MUC17: variants seen among roughly 807,000 people sequenced by gnomAD.
MUC17 encodes the protein mucin 17, cell surface associated.
A neutral mutation model predicts 170.3 loss-of-function variants in MUC17; 190 were observed. The observed-to-expected ratio is 1.12, with a 90% CI of 0.99 to 1.26. The LOEUF (loss-of-function observed/expected upper bound fraction) is 1.26, where lower values mean the gene tolerates loss of function less well. Among genes scored for constraint, MUC17 ranks in the 50% most tolerant of loss-of-function variants. MUC17 has a pLI of 0.00. For missense variants in MUC17, 6,415 were observed against 5,530.0 expected, an observed-to-expected ratio of 1.16 and a Z score of -5.08; for synonymous variants, 2,325 against 2,002.5, an observed-to-expected ratio of 1.16 and a Z score of -4.30.
In MUC17 at chr7:101,037,382, G is replaced by C; in HGVS notation, c.5966G>C (p.Ser1989Thr). 6.2e-7 allele frequency: 1 copy of C among 1,613,914 alleles called. No homozygotes were observed. The highest frequency in any genetic ancestry group is 8.5e-7 in the Non-Finnish European group (1 of 1,179,890). Residue 1989 changes from serine (S) to threonine (T), a missense_variant, in exon 3 of 13, where the codon AGT becomes ACT. Ser to Thr is a moderately conservative substitution (Grantham distance 58). Transcript: ENST00000306151. ...AGTGAAGGAAGCACTCCACTAACAA[G>C]TATGCCTCTCAGCACCACGCTGGTG... ...AYSEGSTPLTSMPLSTTLVVS... is the reference protein window; with the variant it reads ...AYSEGSTPLTTMPLSTTLVVS...
chr7:101,033,176 C>T lies in MUC17; in HGVS notation c.1760C>T (p.Ala587Val), dbSNP rs960180031. The T allele has an allele frequency of 6.2e-7, 1 of 1,613,874 alleles. No individual in the cohort carries two copies. Among genetic ancestry groups the T allele is most frequent in the Non-Finnish European group, 8.5e-7 (1 of 1,179,934 alleles). ...ACCAGGCTGGTGGTCAGTTCTGAGGCTAGCACCACTTCAACAACTCCTGCT... is the reference window on the plus strand; with the variant it reads ...ACCAGGCTGGTGGTCAGTTCTGAGGTTAGCACCACTTCAACAACTCCTGCT... ...VSTRLVVSSE[A>V]STTSTTPADS... is the part of the protein sequence containing the mutation. The change falls in exon 3 of 13, where the codon GCT becomes GTT. Residue 587 changes from alanine to valine, a missense_variant. Physicochemically the swap from Ala to Val is moderately conservative, Grantham distance 64 (BLOSUM62 0). Transcript: ENST00000306151.
chr7:101,052,887 G>T (rs1027132564), intron 9 of MUC17, 99 bp from the exon 10 acceptor site: 7 of 1,416,276 alleles, frequency 4.9e-6, no homozygotes, highest in Non-Finnish European at 5.7e-6. Context: ...ATCTCTTCTT[G>T]CCTCCTCTTC....
In MUC17 at chr7:101,040,813, A is replaced by G; in HGVS notation, c.9397A>G (p.Ser3133Gly). The G allele has an allele frequency of 6.2e-7, 1 of 1,613,686 alleles. No homozygotes were observed. The change falls in exon 3 of 13, where the codon AGC (serine) becomes GGC (glycine). Residue 3133 changes from serine to glycine, a missense_variant. Ser to Gly is a moderately conservative substitution (Grantham distance 56, BLOSUM62 0). Coordinates refer to ENST00000306151, the MANE Select transcript of MUC17 (RefSeq NM_001040105.2). ...STLSTTPVDT[S>G]TPVTTSTEAH... The stretch of plus-strand genomic sequence containing the variant: ...CCTTTCAACAACTCCTGTTGACACC[A>G]GCACACCTGTGACCACTTCTACTGA...
intron 3 of MUC17, among the ~76,000 whole-genome samples, chr7:101,044,266 C>T (rs1451175312): frequency 6.6e-6 from 1 of 152,088 alleles, no homozygotes; most frequent in African/African-American, 2.4e-5. Flanking sequence ...TGACAAAGAG[C>T]TAATATCCAG....
chr7:101,029,623 G>A (rs578172033), intron 1 of MUC17, among the ~76,000 whole-genome samples: 2 of 151,812 alleles, frequency 1.3e-5, no homozygotes, highest in Non-Finnish European at 2.9e-5. Context: ...TTTTGAGACA[G>A]AGTCTCGCTC....
Position 101,037,054 on chromosome 7 carries a change from G to T in MUC17, c.5638G>T (p.Ala1880Ser). The change falls in exon 3 of 13, where the codon GCC becomes TCC. Residue 1880 changes from alanine (A) to serine (S), a missense_variant. Physicochemically the swap from Ala to Ser is moderately conservative, Grantham distance 99. Coordinates refer to ENST00000306151, the MANE Select transcript of MUC17 (RefSeq NM_001040105.2). Reference protein sequence around the residue: ...TSIPVSTTTVASSETNTLSTT... With the variant: ...TSIPVSTTTVSSSETNTLSTT... ...TATACCTGTCAGCACCACAACAGTG[G>T]CCAGTTCTGAAACCAACACCCTTTC... 1 of 1,581,962 alleles carries T rather than the reference G, an allele frequency of 6.3e-7. No individual in the cohort carries two copies. The highest frequency in any genetic ancestry group is 8.5e-7 in the Non-Finnish European group (1 of 1,178,308).
Position 101,051,042 on chromosome 7 carries a change from T to A in MUC17, c.12874+407T>A, listed in dbSNP as rs546497392. 2.0e-5 allele frequency among the ~76,000 whole-genome samples: 3 copies of A among 152,142 alleles called. No homozygotes were observed. In the South Asian group the frequency reaches 6.2e-4, roughly 32 times the overall value. ...GGGCCTCGTTACACAGGGGTTCATCTAAGTGTGTGGATCATGGCAGAAGAG... is the reference window on the plus strand; with the variant it reads ...GGGCCTCGTTACACAGGGGTTCATCAAAGTGTGTGGATCATGGCAGAAGAG... On this transcript the variant is annotated intron_variant, in intron 7 of 12. Transcript: ENST00000306151.
At chr7:101,027,134 T>C (rs565823807) in intron 1 of MUC17, among the ~76,000 whole-genome samples, 1 of 152,284 alleles carries the variant, frequency 6.6e-6, no homozygotes, top group South Asian at 2.1e-4. Context: ...CTTGGGACTA[T>C]CTGGGCAACA....
Position 101,039,176 on chromosome 7 carries a change from C to T in MUC17, c.7760C>T (p.Ala2587Val), listed in dbSNP as rs759375957. ...RSMPVSTKPL[A>V]SSEASTLSTT... Reference sequence around the variant, plus strand: ...ATGCCTGTCAGCACCAAGCCGTTGGCCAGTTCTGAGGCTAGCACTCTTTCA... The same window carrying T: ...ATGCCTGTCAGCACCAAGCCGTTGGTCAGTTCTGAGGCTAGCACTCTTTCA... Residue 2587 changes from alanine to valine, a missense_variant, in exon 3 of 13, where the codon GCC becomes GTC. Coordinates refer to ENST00000306151, the MANE Select transcript of MUC17 (RefSeq NM_001040105.2). The T allele has an allele frequency of 3.7e-6, 6 of 1,612,792 alleles. No homozygotes were observed. The African/African-American group carries it at 8.0e-5, about 22-fold the overall frequency.
chr7:101,038,147 C>T lies in MUC17; in HGVS notation c.6731C>T (p.Pro2244Leu). ...TSEASTLSAT[P>L]VDTSTPVTTS... ...GAGGCTAGCACCCTTTCAGCAACTC[C>T]TGTTGACACCAGCACACCTGTGACC... Residue 2244 changes from proline (P) to leucine (L), a missense_variant, in exon 3 of 13, where the codon CCT (proline) becomes CTT (leucine). Transcript: ENST00000306151. 1 of 1,613,814 alleles carries T rather than the reference C, an allele frequency of 6.2e-7. No homozygotes were observed. Among genetic ancestry groups the T allele is most frequent in the South Asian group, 1.1e-5 (1 of 91,056 alleles).
intron 1 of MUC17, among the ~76,000 whole-genome samples, chr7:101,024,437 G>A (rs1451729803): frequency 6.6e-6 from 1 of 151,794 alleles, no homozygotes; most frequent in Admixed American, 6.6e-5. Flanking sequence ...GCTAATAGCT[G>A]GAACAAAACG....
chr7:101,056,146 T>A, intron 11 of MUC17, 48 bp from the exon 12 acceptor site: 7 of 1,612,260 alleles, frequency 4.3e-6, no homozygotes, highest in Non-Finnish European at 5.1e-6. Flanking sequence ...GATGAAAGTT[T>A]GTCCTTCTAA....
At chr7:101,030,220 A>G (rs1296080152) in intron 1 of MUC17, among the ~76,000 whole-genome samples, 1 of 147,774 alleles carries the variant, frequency 6.8e-6, no homozygotes, top group African/African-American at 2.5e-5. Context: ...AATAGCAATT[A>G]CAATGTTGGC....
intron 7 of MUC17, 65 bp from the exon 8 acceptor site, chr7:101,051,548 A>G: frequency 6.5e-7 from 1 of 1,538,538 alleles, no homozygotes; most frequent in Non-Finnish European, 8.9e-7. Flanking sequence ...CACACGTCTC[A>G]GCTCCCTGAG....
At chr7:101,055,392 C>T (rs1003213287) in intron 11 of MUC17, among the ~76,000 whole-genome samples, 4 of 151,970 alleles carry the variant, frequency 2.6e-5, no homozygotes, top group African/African-American at 9.7e-5. Flanking sequence ...TATAGCTGTA[C>T]TCATTGCAGG....
chr7:101,035,540 G>T lies in MUC17; in HGVS notation c.4124G>T (p.Cys1375Phe), dbSNP rs146243352. The T allele has an allele frequency of 6.3e-7, 1 of 1,596,632 alleles. No individual in the cohort carries two copies. Among genetic ancestry groups the T allele is most frequent in the South Asian group, 1.1e-5 (1 of 89,808 alleles). ...STPVTTSTEA[C>F]SSPTTSEGTS... is the part of the protein sequence containing the mutation. The stretch of plus-strand genomic sequence containing the variant: ...CCTGTGACCACTTCTACTGAAGCCT[G>T]TTCATCTCCTACAACTTCTGAAGGT... Residue 1375 changes from cysteine (C) to phenylalanine (F), a missense_variant, in exon 3 of 13, where the codon TGT becomes TTT. Cys to Phe is a radical substitution (Grantham distance 205). Transcript: ENST00000306151.
chr7:101,027,376 C>T (rs1030014831), intron 1 of MUC17, among the ~76,000 whole-genome samples: 45 of 151,920 alleles, frequency 3.0e-4, no homozygotes, highest in Middle Eastern at 3.2e-3. Context: ...AAGTGATCCA[C>T]CGCCCCTTGG....
In MUC17 at chr7:101,039,902, C is replaced by T. The variant is rs1283756846; in HGVS notation, c.8486C>T (p.Thr2829Ile). ...CCAGTGGCCAGTTCTGAGGCTGGCACCCTTTCAACAACTCCTGTTGACACC... is the reference window on the plus strand; with the variant it reads ...CCAGTGGCCAGTTCTGAGGCTGGCATCCTTTCAACAACTCCTGTTGACACC... The part of the protein sequence containing the change: ...HTPVASSEAG[T>I]LSTTPVDTST... The change falls in exon 3 of 13, where the codon ACC becomes ATC. Residue 2829 changes from threonine (T) to isoleucine (I), a missense_variant. Coordinates refer to ENST00000306151, the MANE Select transcript of MUC17 (RefSeq NM_001040105.2). 3 of 1,612,946 alleles carry T rather than the reference C, an allele frequency of 1.9e-6. No individual in the cohort carries two copies. Among genetic ancestry groups the T allele is most frequent in the East Asian group, 2.2e-5 (1 of 44,876 alleles).
In MUC17 at chr7:101,038,776, G is replaced by A; in HGVS notation, c.7360G>A (p.Gly2454Arg). 6.2e-7 allele frequency: 1 copy of A among 1,613,022 alleles called. No individual in the cohort carries two copies. The highest frequency in any genetic ancestry group is 8.5e-7 in the Non-Finnish European group (1 of 1,179,174). The stretch of plus-strand genomic sequence containing the variant: ...CATACCAACCTCACCTCCTAGTGAA[G>A]GAACCACTCCGTTAGCAAGTATGCC... ...TSIPTSPPSE[G>R]TTPLASMPVS... Residue 2454 changes from glycine (G) to arginine (R), a missense_variant, in exon 3 of 13, where the codon GGA becomes AGA. By Grantham distance (125) the Gly-to-Arg change is moderately radical (BLOSUM62 -2). Transcript: ENST00000306151.
Sources: gnomAD v4.1 joint callset for allele counts (sites outside exome capture counted in the v4.1 genomes callset) on GRCh38, gnomAD v4.1.1 for gene constraint, MANE v1.5 for transcripts, NCBI Gene and HGNC (gene_info 2026-07-23, HGNC 2026-07-21) for gene names.